The following MAP3K15 variants were observed in gnomAD, a reference collection of about 807,000 sequenced individuals.
MAP3K15 encodes MAPK/ERK kinase kinase 15.
MAP3K15 carries 124 observed loss-of-function variants against 99.5 expected under a neutral mutation model. The observed-to-expected ratio is 1.25, with a 90% CI of 1.08 to 1.45. The LOEUF is 1.45. Among genes scored for constraint, MAP3K15 ranks in the 40% most tolerant of loss-of-function variants. The probability of loss-of-function intolerance (pLI) is 0.00; values close to 1 mark genes in which losing one functional copy is unlikely to be tolerated. For synonymous variants in MAP3K15, 494 were observed against 439.6 expected, an observed-to-expected ratio of 1.12 and a Z score of -1.55; for missense variants, 1,242 against 1,079.7, an observed-to-expected ratio of 1.15 and a Z score of -2.11.
chrX:19,422,772 C>CCAA (rs2063797575), intron 9 of MAP3K15, among the ~76,000 whole-genome samples: 1 of 111,634 alleles, frequency 9.0e-6, no homozygotes, highest in Non-Finnish European at 1.9e-5. Context: ...ACACTTGGAA[C>CCAA]CAAGCCAAAT....
chrX:19,384,088 G>C (rs2063477937), intron 18 of MAP3K15, among the ~76,000 whole-genome samples: 1 of 112,192 alleles, frequency 8.9e-6, no homozygotes, highest in Non-Finnish European at 1.9e-5. Context: ...GGCAACCTAA[G>C]TGTCCATCAA....
Position 19,491,983 on chromosome X carries a change from G to C in MAP3K15, c.362-3016C>G, listed in dbSNP as rs1037805019. 3.8e-4 allele frequency among the ~76,000 whole-genome samples: 41 copies of C among 107,146 alleles called. 1 individual carries two copies. Among genetic ancestry groups the C allele is most frequent in the Non-Finnish European group, 5.8e-5 (3 of 51,969 alleles). 93.0% of individuals were successfully genotyped at this position (107,146 alleles called of 115,157 possible). A position where few individuals can be genotyped will look rare whatever the true frequency, so the allele number is the denominator to read the frequency against. On this transcript the variant is annotated intron_variant, in intron 1 of 28. Coordinates refer to ENST00000338883, the MANE Select transcript of MAP3K15 (RefSeq NM_001001671.4). ...TTACAGGCGTTAGCCACTGCACCTG[G>C]CTACTTTTTTTTTTTTTTTTAAACA... is the stretch of plus-strand genomic sequence containing the variant.
chrX:19,493,527 T>C (rs1205649662), intron 1 of MAP3K15, among the ~76,000 whole-genome samples: 2 of 111,432 alleles, frequency 1.8e-5, no homozygotes, highest in Non-Finnish European at 3.8e-5. Context: ...AACACGAATT[T>C]AGCATCTGAT....
intron 1 of MAP3K15, among the ~76,000 whole-genome samples, chrX:19,512,511 G>A (rs979794483): frequency 4.5e-5 from 5 of 111,226 alleles, no homozygotes; most frequent in African/African-American, 1.6e-4. Context: ...GTCTCGATCT[G>A]TCACCCAGGC....
chrX:19,431,940 C>CT (rs773036480), intron 6 of MAP3K15, among the ~76,000 whole-genome samples: 1,072 of 80,985 alleles, frequency 0.013, 10 homozygotes, highest in African/African-American at 0.027. Flanking sequence ...TGAGACCCTG[C>CT]TTTTTTTTTT....
chrX:19,512,936 A>G (rs1009988837), intron 1 of MAP3K15, among the ~76,000 whole-genome samples: 3 of 111,899 alleles, frequency 2.7e-5, no homozygotes, highest in Non-Finnish European at 5.6e-5. Context: ...TGGTGGAAAC[A>G]TCAAAAAGCA....
chrX:19,443,021 G>GTTT (rs2063970838), intron 6 of MAP3K15, among the ~76,000 whole-genome samples: 4 of 11,725 alleles, frequency 3.4e-4, no homozygotes, highest in Admixed American at 1.3e-3. Context: ...ACCATGCCCG[G>GTTT]CTTTTTTTTT....
intron 22 of MAP3K15, 114 bp downstream of exon 22, chrX:19,372,539 A>T: frequency 1.6e-6 from 1 of 634,569 alleles, no homozygotes; most frequent in Non-Finnish European, 2.4e-6. Context: ...TGATCACCGT[A>T]ACTATGCAGA....
At chrX:19,360,884 G>A (rs1225995420) in intron 28 of MAP3K15, 51 bp from the exon 29 acceptor site, 7 of 906,152 alleles carry the variant, frequency 7.7e-6, no homozygotes, top group Non-Finnish European at 9.4e-6. Context: ...AGCCAACAGA[G>A]CTTAAAACTG....
Position 19,514,920 on chromosome X carries a change from G to C in MAP3K15, c.342C>G (p.Leu114=). The C allele has an allele frequency of 1.1e-5, 13 of 1,135,376 alleles. No individual in the cohort carries two copies. Among genetic ancestry groups the C allele is most frequent in the Non-Finnish European group, 1.5e-5 (13 of 861,120 alleles). 93.6% of individuals were successfully genotyped at this position (1,135,376 alleles called of 1,213,427 possible). The change falls in exon 1 of 29, where the codon CTC becomes CTG. Residue 114 remains leucine (L), a synonymous_variant. Transcript: ENST00000338883. ...GELDFGETAV[L]DAFYDADVAV... Reference sequence around the variant, plus strand: ...TCTCACCTGCGTCGTAGAAGGCGTCGAGCACGGCCGTCTCCCCGAAGTCCA... The same window carrying C: ...TCTCACCTGCGTCGTAGAAGGCGTCCAGCACGGCCGTCTCCCCGAAGTCCA...
intron 7 of MAP3K15, among the ~76,000 whole-genome samples, chrX:19,428,320 G>A (rs928936564): frequency 8.9e-6 from 1 of 111,972 alleles, no homozygotes; most frequent in African/African-American, 3.2e-5. Context: ...GGACTTTCTT[G>A]AAGGAACCAA....
At chrX:19,437,482 G>A (rs2063930129) in intron 6 of MAP3K15, among the ~76,000 whole-genome samples, 1 of 111,405 alleles carries the variant, frequency 9.0e-6, no homozygotes, top group African/African-American at 3.3e-5. Context: ...TGTTCCACAT[G>A]CTGATCCCTC....
At chrX:19,360,888 A>G in intron 28 of MAP3K15, 55 bp from the exon 29 acceptor site, 1 of 886,155 alleles carries the variant, frequency 1.1e-6, no homozygotes, top group Non-Finnish European at 1.6e-6. Context: ...AACAGAGCTT[A>G]AAACTGCAGT....
chrX:19,503,487 G>A (rs189533924), intron 1 of MAP3K15, among the ~76,000 whole-genome samples: 6 of 111,886 alleles, frequency 5.4e-5, no homozygotes, highest in Non-Finnish European at 9.4e-5. Flanking sequence ...ATGCAGTGGC[G>A]CAATCTCAGC....
intron 1 of MAP3K15, among the ~76,000 whole-genome samples, chrX:19,501,380 A>C (rs7881639): frequency 1.8e-5 from 2 of 112,336 alleles, no homozygotes; most frequent in Non-Finnish European, 3.8e-5. Context: ...AACTGAAACC[A>C]CTACTTCCAT....
At chrX:19,466,174 G>T (rs1308057243) in intron 3 of MAP3K15, among the ~76,000 whole-genome samples, 2 of 111,119 alleles carry the variant, frequency 1.8e-5, no homozygotes, top group Non-Finnish European at 3.8e-5. Context: ...TAAGGTTTTG[G>T]TAAGTTAGAG....
chrX:19,449,426 G>C (rs1459342032), intron 6 of MAP3K15, among the ~76,000 whole-genome samples: 3 of 109,704 alleles, frequency 2.7e-5, no homozygotes, highest in Non-Finnish European at 5.8e-5. Flanking sequence ...TACCTCAAAT[G>C]CCTCCCTGTA....
intron 19 of MAP3K15, among the ~76,000 whole-genome samples, chrX:19,376,407 G>A (rs1176738437): frequency 9.1e-6 from 1 of 109,631 alleles, no homozygotes; most frequent in Non-Finnish European, 1.9e-5. Flanking sequence ...CCTGGGAATC[G>A]TACTTTGTCT....
intron 1 of MAP3K15, chrX:19,496,518 T>C (rs1169595827): frequency 9.0e-6 from 1 of 111,340 alleles, no homozygotes; most frequent in Non-Finnish European, 1.9e-5. Flanking sequence ...GATAGCAACC[T>C]CTTCTTTCAA....
Sources: gnomAD v4.1 joint callset for allele counts (sites outside exome capture counted in the v4.1 genomes callset) on GRCh38, gnomAD v4.1.1 for gene constraint, MANE v1.5 for transcripts, NCBI Gene and HGNC (gene_info 2026-07-23, HGNC 2026-07-21) for gene names.